MTERF1: variants seen among roughly 807,000 people sequenced by gnomAD.
MTERF1 encodes mitochondrial transcription termination factor 1.
A neutral mutation model predicts 31.6 loss-of-function variants in MTERF1; 29 were observed. The ratio of observed to expected loss-of-function variants is 0.92; its 90% CI spans 0.68 to 1.25. MTERF1 has a LOEUF of 1.25. Ranked by LOEUF, MTERF1 falls within the 50% of genes most tolerant of loss-of-function variation. The pLI is 0.00. For synonymous variants in MTERF1, 152 were observed against 164.1 expected (o/e 0.93, Z 0.57); for missense variants, 500 against 469.1 (o/e 1.07, Z -0.61).
chr7:91,879,978 C>A, intron 2 of MTERF1, 77 bp downstream of exon 2: 1 of 1,544,344 alleles, frequency 6.5e-7, no homozygotes, highest in South Asian at 1.1e-5. Flanking sequence ...AATCACTGGC[C>A]CTAAAATACC....
At chr7:91,877,622 C>G (rs539146570) in intron 2 of MTERF1, among the ~76,000 whole-genome samples, 1 of 152,292 alleles carries the variant, frequency 6.6e-6, no homozygotes, top group South Asian at 2.1e-4. Flanking sequence ...CTCTGAAATC[C>G]AACCTCGCTA....
At chr7:91,876,420 T>C (rs1238354962) in intron 2 of MTERF1, among the ~76,000 whole-genome samples, 1 of 152,224 alleles carries the variant, frequency 6.6e-6, no homozygotes, top group Admixed American at 6.5e-5. Context: ...CATTTCTTTT[T>C]TCTCCTTCTC....
chr7:91,876,217 T>A (rs1251262147), intron 2 of MTERF1, among the ~76,000 whole-genome samples: 4 of 152,248 alleles, frequency 2.6e-5, no homozygotes, highest in Non-Finnish European at 5.9e-5. Flanking sequence ...AAATATTTTA[T>A]GAGGAAAGCA....
At chr7:91,876,843 T>C (rs979174694) in intron 2 of MTERF1, 1 of 909,778 alleles carries the variant, frequency 1.1e-6, no homozygotes, top group African/African-American at 1.8e-5. Context: ...CTTTAAAATA[T>C]AATTATCCTT....
chr7:91,877,260 T>C (rs1789369445), intron 2 of MTERF1, among the ~76,000 whole-genome samples: 1 of 152,192 alleles, frequency 6.6e-6, no homozygotes, highest in Non-Finnish European at 1.5e-5. Context: ...AGCCACAGAA[T>C]GTTCAACAGA....
At position 91,874,361 on chromosome 7, in the gene MTERF1, G is replaced by C. The variant is rs778155778; in HGVS notation, c.433C>G (p.Leu145Val). 6.2e-7 allele frequency: 1 copy of C among 1,613,976 alleles called. No homozygotes were observed. Residue 145 changes from leucine to valine, a missense_variant, in exon 3 of 3, where the codon CTG (leucine) becomes GTG (valine). By Grantham distance (32) the Leu-to-Val change is conservative. Transcript: ENST00000351870. ...TCTGATGTCACAATCTTTCTCCACA[G>C]ATCCCACCGTTTTGAAAGATTCTCG... is the stretch of plus-strand genomic sequence containing the variant. ...TPENLSKRWD[L>V]WRKIVTSDLE...
intron 2 of MTERF1, among the ~76,000 whole-genome samples, chr7:91,876,363 C>T (rs1584463846): frequency 1.3e-5 from 2 of 152,192 alleles, no homozygotes; most frequent in African/African-American, 2.4e-5. Flanking sequence ...GTAACAAGTT[C>T]GTGCTTGATT....
At chr7:91,878,433 G>C (rs138905779) in intron 2 of MTERF1, among the ~76,000 whole-genome samples, 1 of 152,174 alleles carries the variant, frequency 6.6e-6, no homozygotes, top group Non-Finnish European at 1.5e-5. Context: ...AGGAAACAGA[G>C]GAAATTCTCA....
At chr7:91,878,625 A>G (rs1335289481) in intron 2 of MTERF1, among the ~76,000 whole-genome samples, 1 of 152,196 alleles carries the variant, frequency 6.6e-6, no homozygotes, top group Non-Finnish European at 1.5e-5. Flanking sequence ...GCTTAAACCC[A>G]GGAGTTTGAG....
At chr7:91,875,664 G>T (rs941603957) in intron 2 of MTERF1, among the ~76,000 whole-genome samples, 31 of 152,052 alleles carry the variant, frequency 2.0e-4, no homozygotes, top group African/African-American at 7.2e-4. Context: ...CTGGCCTCCT[G>T]GTTTTCAAAC....
In MTERF1 at chr7:91,874,493, T is replaced by A. The variant is rs760193918; in HGVS notation, c.301A>T (p.Ile101Phe). The change falls in exon 3 of 3, where the codon ATT becomes TTT. Residue 101 changes from isoleucine to phenylalanine, a missense_variant. By Grantham distance (21) the Ile-to-Phe change is conservative. Coordinates refer to ENST00000351870, the MANE Select transcript of MTERF1 (RefSeq NM_006980.5). ...ATCTTCAGGTCCTGCTCATTGGTAA[T>A]CATCCTATGAAAAACTCCAGGCTGT... ...KRQPGVFHRMITNEQDLKMFL... is the reference protein window; with the variant it reads ...KRQPGVFHRMFTNEQDLKMFL... 4.3e-6 allele frequency: 7 copies of A among 1,614,156 alleles called. No individual in the cohort carries two copies. The highest frequency in any genetic ancestry group is 5.1e-6 in the Non-Finnish European group (6 of 1,180,028).
chr7:91,874,834 C>A, intron 2 of MTERF1, 70 bp from the exon 3 acceptor site: 2 of 1,097,184 alleles, frequency 1.8e-6, no homozygotes, highest in South Asian at 1.6e-5. Context: ...ATATTACAAT[C>A]CTATAAGCAT....
At position 91,875,047 on chromosome 7, in the gene MTERF1, A is replaced by AT. The variant is rs1276605395; in HGVS notation, c.30-284dup. On this transcript the variant is annotated intron_variant, in intron 2 of 2. Coordinates refer to ENST00000351870, the MANE Select transcript of MTERF1 (RefSeq NM_006980.5). Reference sequence around the variant, plus strand: ...ATAATCAATAAACAAATGTACATATATAACTGTCTCTCCCTAGCTCACTGC... The same window carrying AT: ...ATAATCAATAAACAAATGTACATATATTAACTGTCTCTCCCTAGCTCACTGC... Among the ~76,000 whole-genome samples, 20 of 152,360 alleles carry AT rather than the reference A, an allele frequency of 1.3e-4. No homozygotes were observed. The East Asian group carries it at 3.9e-3, about 29-fold the overall frequency.
In MTERF1 at chr7:91,880,057, T is replaced by C. The variant is rs1789464777; in HGVS notation, c.27A>G (p.Thr9=). Residue 9 remains threonine (T), a splice_region_variant and synonymous_variant, in exon 2 of 3, where the codon ACA becomes ACG. Transcript: ENST00000351870. MQSLSLGQ[T]SISKGLNYLT... ...AGATCTTTACATGCATTTCTCACCT[T>C]GTTTGTCCTAAGGAAAGGCTCTGCA... 3 of 1,614,004 alleles carry C rather than the reference T, an allele frequency of 1.9e-6. No homozygotes were observed. The highest frequency in any genetic ancestry group is 1.7e-5 in the Admixed American group (1 of 60,002).
At chr7:91,874,799 G>C in intron 2 of MTERF1, 35 bp from the exon 3 acceptor site, 1 of 1,439,538 alleles carries the variant, frequency 6.9e-7, no homozygotes, top group Non-Finnish European at 9.5e-7. Context: ...TTACACAAAT[G>C]CATGTGTTAA....
chr7:91,874,188 A>G lies in MTERF1; in HGVS notation c.606T>C (p.Arg202=). 1 of 1,614,182 alleles carries G rather than the reference A, an allele frequency of 6.2e-7. No homozygotes were observed. Among genetic ancestry groups the G allele is most frequent in the Non-Finnish European group, 8.5e-7 (1 of 1,180,032 alleles). Residue 202 remains arginine (R), a synonymous_variant, in exon 3 of 3, where the codon CGT becomes CGC. Transcript: ENST00000351870. ...CLCRLLTNAP[R]TFSNSLDLNK... is the part of the protein sequence containing the mutation. ...TCAGATCAAGACTATTGGAGAAGGT[A>G]CGAGGGGCATTGGTCAACAATCGAC... is the stretch of plus-strand genomic sequence containing the variant.
In MTERF1 at chr7:91,880,483, C is replaced by T. The variant is rs80136282; in HGVS notation, c.-31+174G>A. The T allele has an allele frequency of 8.4e-3, 1,717 of 204,828 alleles. 43 individuals are homozygous for T. Among genetic ancestry groups the T allele is most frequent in the African/African-American group, 0.038 (1,626 of 42,854 alleles). The allele number at this position is 204,828 out of a possible 1,614,324, so 12.7% of individuals were successfully genotyped here. ...TAGCTGAAGCATTAGGGTTCGAACCCAGGTGGGTCTTTCTTAACTCAAAAC... is the reference window on the plus strand; with the variant it reads ...TAGCTGAAGCATTAGGGTTCGAACCTAGGTGGGTCTTTCTTAACTCAAAAC... On this transcript the variant is annotated intron_variant, in intron 1 of 2. Coordinates refer to ENST00000351870, the MANE Select transcript of MTERF1 (RefSeq NM_006980.5).
At position 91,880,159 on chromosome 7, in the gene MTERF1, C is replaced by A; in HGVS notation, c.-30-46G>T. The A allele has an allele frequency of 2.6e-6, 4 of 1,510,596 alleles. No homozygotes were observed. In the South Asian group the frequency reaches 4.6e-5, roughly 17 times the overall value. The allele number at this position is 1,510,596 out of a possible 1,614,324, so 93.6% of individuals were successfully genotyped here. On this transcript the variant is annotated intron_variant, in intron 1 of 2. Coordinates refer to ENST00000351870, the MANE Select transcript of MTERF1 (RefSeq NM_006980.5). ...CAAAAAAAAGGCAAAATATTTCAGG[C>A]CTTCCTAATACAAAATAAGAGATCG...
chr7:91,879,944 A>G, intron 2 of MTERF1, 111 bp downstream of exon 2: 1 of 1,319,688 alleles, frequency 7.6e-7, no homozygotes, highest in Non-Finnish European at 1.1e-6. Context: ...TGGCCTGTTA[A>G]AAAGGCTGTT....
Sources: gnomAD v4.1 joint callset for allele counts (sites outside exome capture counted in the v4.1 genomes callset) on GRCh38, gnomAD v4.1.1 for gene constraint, MANE v1.5 for transcripts, NCBI Gene and HGNC (gene_info 2026-07-23, HGNC 2026-07-21) for gene names.